The following SARM1 variants were observed in gnomAD, a reference collection of about 807,000 sequenced individuals.
SARM1 encodes the protein NAD(+) hydrolase SARM1.
A neutral mutation model predicts 65.1 loss-of-function variants in SARM1; 60 were observed. That is an observed-to-expected ratio of 0.92 (90% CI 0.75 to 1.14). The LOEUF is 1.14. Ranked by LOEUF, SARM1 falls within the 50% of genes most tolerant of loss-of-function variation. The pLI, the probability that SARM1 is intolerant of heterozygous loss-of-function variation, is 0.00. For synonymous variants in SARM1, 417 were observed against 465.4 expected (o/e 0.90, Z 1.34); for missense variants, 913 against 1,015.7 (o/e 0.90, Z 1.37).
chr17:28,396,711 C>G lies in SARM1; in HGVS notation c.*425C>G, dbSNP rs1339848912. On this transcript the variant is annotated 3_prime_UTR_variant, in exon 9 of 9. Transcript: ENST00000585482. ...GCGGGCCTGGGCACTGTATTCTGAG[C>G]AAGGGCCTGGGCCCAGGAGCCAGCC... 5.5e-6 allele frequency: 1 copy of G among 181,780 alleles called. No individual in the cohort carries two copies. The highest frequency in any genetic ancestry group is 1.2e-5 in the Non-Finnish European group (1 of 86,846). 11.3% of individuals were successfully genotyped at this position (181,780 alleles called of 1,614,324 possible).
At position 28,384,220 on chromosome 17, in the gene SARM1, C is replaced by T. The variant is rs2068038124; in HGVS notation, c.1090-137C>T. Reference sequence around the variant, plus strand: ...AGGGGGAATCCGCAGGACCCCATGACTTAGTGGCTGAAGGTGGGGCCAGGG... The same window carrying T: ...AGGGGGAATCCGCAGGACCCCATGATTTAGTGGCTGAAGGTGGGGCCAGGG... On this transcript the variant is annotated intron_variant, in intron 2 of 8. Coordinates refer to ENST00000585482, the MANE Select transcript of SARM1 (RefSeq NM_015077.4). The surrounding 1 kb of genome is among the most constrained non-coding windows in gnomAD (Gnocchi z 4.4). 1.5e-6 allele frequency: 1 copy of T among 648,610 alleles called. No homozygotes were observed. The allele number at this position is 648,610 out of a possible 1,614,324, so 40.2% of individuals were successfully genotyped here. A position where few individuals can be genotyped will look rare whatever the true frequency, so the allele number is the denominator to read the frequency against.
At position 28,400,659 on chromosome 17, in the gene SARM1, G is replaced by C. The variant is rs2068184735; in HGVS notation, c.*4373G>C. The stretch of plus-strand genomic sequence containing the variant: ...AGGAGGCCAGCTCCCAGGAGGAAGG[G>C]GAACCCCTTCATAAAGTTCAGAGTG... On this transcript the variant is annotated 3_prime_UTR_variant, in exon 9 of 9. Coordinates refer to ENST00000585482, the MANE Select transcript of SARM1 (RefSeq NM_015077.4). 3 of 1,613,572 alleles carry C rather than the reference G, an allele frequency of 1.9e-6. No individual in the cohort carries two copies. The highest frequency in any genetic ancestry group is 2.5e-6 in the Non-Finnish European group (3 of 1,179,860).
chr17:28,388,305 G>C, intron 6 of SARM1, 29 bp downstream of exon 6: 2 of 1,596,448 alleles, frequency 1.3e-6, no homozygotes, highest in Non-Finnish European at 1.7e-6. Context: ...GCAGCGACGG[G>C]GCGTGGGGAC....
intron 2 of SARM1, among the ~76,000 whole-genome samples, chr17:28,383,222 A>C (rs2068032853): frequency 6.6e-6 from 1 of 152,104 alleles, no homozygotes; most frequent in South Asian, 2.1e-4. Flanking sequence ...AAAAATACAA[A>C]AATTAGCTGG....
In SARM1 at chr17:28,385,297, C is replaced by A; in HGVS notation, c.1630+22C>A. ...AGAGGTCAGCCCGCTCACCCGGGACCCCGCCCCAGCCCCAGCCCCAGCCAC... is the reference window on the plus strand; with the variant it reads ...AGAGGTCAGCCCGCTCACCCGGGACACCGCCCCAGCCCCAGCCCCAGCCAC... On this transcript the variant is annotated intron_variant, in intron 5 of 8. Coordinates refer to ENST00000585482, the MANE Select transcript of SARM1 (RefSeq NM_015077.4). The surrounding 1 kb of genome is among the most constrained non-coding windows in gnomAD (Gnocchi z 4.5). 1 of 1,484,570 alleles carries A rather than the reference C, an allele frequency of 6.7e-7. No individual in the cohort carries two copies. The highest frequency in any genetic ancestry group is 9.0e-7 in the Non-Finnish European group (1 of 1,114,506). The allele number at this position is 1,484,570 out of a possible 1,614,324, so 92.0% of individuals were successfully genotyped here.
At position 28,372,099 on chromosome 17, in the gene SARM1, C is replaced by T. The variant is rs782100517; in HGVS notation, c.67C>T (p.Pro23Ser). 2 of 1,483,352 alleles carry T rather than the reference C, an allele frequency of 1.3e-6. No homozygotes were observed. The highest frequency in any genetic ancestry group is 1.8e-6 in the Non-Finnish European group (2 of 1,123,248). The allele number at this position is 1,483,352 out of a possible 1,614,324, so 91.9% of individuals were successfully genotyped here. Residue 23 changes from proline (P) to serine (S), a missense_variant, in exon 1 of 9, where the codon CCG becomes TCG. By Grantham distance (74) the Pro-to-Ser change is moderately conservative. Around this residue, in one of 3 missense-constraint regions of SARM1, gnomAD observed 39 missense variants for 32.0 expected, o/e 1.22. Coordinates refer to ENST00000585482, the MANE Select transcript of SARM1 (RefSeq NM_015077.4). This position sits in a 1 kb window ranked among gnomAD's most constrained non-coding sequence, Gnocchi z 5.2. ...CRFFAMSGPR[P>S]GAERLAVPGP... ...CTTCTTCGCCATGTCGGGCCCACGG[C>T]CGGGCGCCGAGCGGCTGGCGGTGCC...
chr17:28,376,403 C>CAAAAAAAAAAAAA (rs58695374), intron 1 of SARM1, among the ~76,000 whole-genome samples: 5 of 83,968 alleles, frequency 6.0e-5, no homozygotes, highest in Admixed American at 1.5e-4. Context: ...ACTAAAAATA[C>CAAAAAAAAAAAAA]AAAAAAAAAA....
rs1555588103 is a variant in SARM1, at chr17:28,396,610, C to T, written c.*324C>T. ...TGGGGTGGGGGTGGTTCTGCATTCCCTTCTCCTGCTGATAGCAGTCAGCTT... is the reference window on the plus strand; with the variant it reads ...TGGGGTGGGGGTGGTTCTGCATTCCTTTCTCCTGCTGATAGCAGTCAGCTT... On this transcript the variant is annotated 3_prime_UTR_variant, in exon 9 of 9. Coordinates refer to ENST00000585482, the MANE Select transcript of SARM1 (RefSeq NM_015077.4). The T allele has an allele frequency of 6.4e-6, 2 of 313,272 alleles. No homozygotes were observed. The highest frequency in any genetic ancestry group is 5.0e-5 in the South Asian group (1 of 19,888). The allele number at this position is 313,272 out of a possible 1,614,324, so 19.4% of individuals were successfully genotyped here. A position where few individuals can be genotyped will look rare whatever the true frequency, so the allele number is the denominator to read the frequency against.
intron 1 of SARM1, among the ~76,000 whole-genome samples, chr17:28,379,236 GAAATA>G (rs1262985952): frequency 1.4e-5 from 2 of 143,250 alleles, no homozygotes; most frequent in Non-Finnish European, 3.0e-5. Context: ...AATGGCCTTT[GAAATA>G]AAATAAAATG....
At chr17:28,375,840 A>T (rs527772154) in intron 1 of SARM1, among the ~76,000 whole-genome samples, 153 of 152,240 alleles carry the variant, frequency 1.0e-3, no homozygotes, top group Non-Finnish European at 1.7e-3. Flanking sequence ...AAAATTTTTT[A>T]AAAGTTCTTC....
rs1555584099 is a variant in SARM1 at position 28,372,091 on chromosome 17, G to T, written c.59G>T (p.Gly20Val). ...CTGTGTCGCTTCTTCGCCATGTCGG[G>T]CCCACGGCCGGGCGCCGAGCGGCTG... Reference protein sequence around the residue: ...YKLCRFFAMSGPRPGAERLAV... With the variant: ...YKLCRFFAMSVPRPGAERLAV... Residue 20 changes from glycine to valine, a missense_variant, in exon 1 of 9, where the codon GGC (glycine) becomes GTC (valine). By Grantham distance (109) the Gly-to-Val change is moderately radical. Around this residue, in one of 3 missense-constraint regions of SARM1, gnomAD observed 39 missense variants for 32.0 expected, o/e 1.22. Transcript: ENST00000585482. The surrounding 1 kb of genome is among the most constrained non-coding windows in gnomAD (Gnocchi z 5.2). The T allele has an allele frequency of 2.0e-6, 3 of 1,491,106 alleles. No homozygotes were observed. The highest frequency in any genetic ancestry group is 4.3e-5 in the Admixed American group (2 of 46,182). The allele number at this position is 1,491,106 out of a possible 1,614,324, so 92.4% of individuals were successfully genotyped here.
rs2067961945 is a variant in SARM1, at chr17:28,372,277, C to T, written c.245C>T (p.Ala82Val). 2.9e-6 allele frequency: 4 copies of T among 1,391,962 alleles called. No homozygotes were observed. In the Admixed American group the frequency reaches 1.1e-4, roughly 38 times the overall value. The allele number at this position is 1,391,962 out of a possible 1,614,324, so 86.2% of individuals were successfully genotyped here. Residue 82 changes from alanine (A) to valine (V), a missense_variant, in exon 1 of 9, where the codon GCG (alanine) becomes GTG (valine). Around this residue, in one of 3 missense-constraint regions of SARM1, gnomAD observed 862 missense variants for 952.1 expected, o/e 0.91. Coordinates refer to ENST00000585482, the MANE Select transcript of SARM1 (RefSeq NM_015077.4). The surrounding 1 kb of genome is among the most constrained non-coding windows in gnomAD (Gnocchi z 5.2). ...CAGGCCTTGTCCGCGCTGAAGCAGG[C>T]GGGCGGCGCGCGGGCCGTGGGCGCC... ...LQQALSALKQ[A>V]GGARAVGAGL...
rs2067960364 is a variant in SARM1 at position 28,372,155 on chromosome 17, A to G, written c.123A>G (p.Pro41=). The part of the protein sequence containing the change: ...PGPDGGGGTG[P]WWAAGGRGPR... ...CAGATGGGGGCGGTGGCACGGGCCC[A>G]TGGTGGGCTGCGGGTGGCCGCGGGC... The change falls in exon 1 of 9, where the codon CCA becomes CCG. Residue 41 remains proline (P), a synonymous_variant. Coordinates refer to ENST00000585482, the MANE Select transcript of SARM1 (RefSeq NM_015077.4). The surrounding 1 kb of genome is among the most constrained non-coding windows in gnomAD (Gnocchi z 5.2). The G allele has an allele frequency of 7.2e-7, 1 of 1,388,840 alleles. No homozygotes were observed. The highest frequency in any genetic ancestry group is 9.2e-7 in the Non-Finnish European group (1 of 1,081,710). 86.0% of individuals were successfully genotyped at this position (1,388,840 alleles called of 1,614,324 possible).
At chr17:28,383,437 C>G (rs1261076129) in intron 2 of SARM1, among the ~76,000 whole-genome samples, 1 of 152,164 alleles carries the variant, frequency 6.6e-6, no homozygotes, top group South Asian at 2.1e-4. Context: ...TTTCAACATC[C>G]AGTGTTCTAG....
chr17:28,400,811 A>C lies in SARM1; in HGVS notation c.*4525A>C. 6.5e-7 allele frequency: 1 copy of C among 1,532,862 alleles called. No homozygotes were observed. The highest frequency in any genetic ancestry group is 8.8e-7 in the Non-Finnish European group (1 of 1,132,246). The allele number at this position is 1,532,862 out of a possible 1,614,324, so 95.0% of individuals were successfully genotyped here. A position where few individuals can be genotyped will look rare whatever the true frequency, so the allele number is the denominator to read the frequency against. ...ATACTCTGGAGTCCGAAAGGGCCAT[A>C]TTCCAACTCTGGCACCACCACCTCA... On this transcript the variant is annotated 3_prime_UTR_variant, in exon 9 of 9. Coordinates refer to ENST00000585482, the MANE Select transcript of SARM1 (RefSeq NM_015077.4).
At position 28,402,225 on chromosome 17, in the gene SARM1, T is replaced by C; in HGVS notation, c.*5939T>C. On this transcript the variant is annotated 3_prime_UTR_variant, in exon 9 of 9. Coordinates refer to ENST00000585482, the MANE Select transcript of SARM1 (RefSeq NM_015077.4). ...ACATGAGGAACCAGACACAGGTGGG[T>C]TCTGACACTCACCCTGCTCTGTCTC... 1.2e-6 allele frequency: 2 copies of C among 1,609,660 alleles called. No homozygotes were observed. Among genetic ancestry groups the C allele is most frequent in the Non-Finnish European group, 1.7e-6 (2 of 1,177,674 alleles).
Position 28,372,612 on chromosome 17 carries a change from G to A in SARM1, c.470+110G>A. 1.3e-6 allele frequency: 1 copy of A among 760,314 alleles called. No individual in the cohort carries two copies. The highest frequency in any genetic ancestry group is 2.0e-6 in the Non-Finnish European group (1 of 494,888). The allele number at this position is 760,314 out of a possible 1,614,324, so 47.1% of individuals were successfully genotyped here. On this transcript the variant is annotated intron_variant, in intron 1 of 8. Coordinates refer to ENST00000585482, the MANE Select transcript of SARM1 (RefSeq NM_015077.4). This position sits in a 1 kb window ranked among gnomAD's most constrained non-coding sequence, Gnocchi z 5.2. ...CTTTGCCTCCCTCACCTCTCTGACT[G>A]CCTGCACTACATCTCTGTTAGGGGT...
intron 1 of SARM1, chr17:28,374,057 A>T (rs1007081363): frequency 3.3e-5 from 5 of 151,646 alleles, no homozygotes; most frequent in African/African-American, 1.2e-4. Context: ...ACCTGAGGTC[A>T]GGGGTTCGAG....
chr17:28,377,582 T>C (rs1296767936), intron 1 of SARM1, among the ~76,000 whole-genome samples: 1 of 152,208 alleles, frequency 6.6e-6, no homozygotes, highest in Non-Finnish European at 1.5e-5. Flanking sequence ...CGGACTCAGG[T>C]AGGTTCTGCA....
Sources: allele counts gnomAD v4.1 joint callset (sites outside exome capture counted in the v4.1 genomes callset), GRCh38; gene constraint gnomAD v4.1.1; regional missense constraint gnomAD v4.1.1; non-coding constraint Gnocchi (gnomAD v3.1); transcripts MANE v1.5; gene names NCBI Gene and HGNC (gene_info 2026-07-23, HGNC 2026-07-21).